Variants in DQX1 observed in about 807,000 individuals in gnomAD.
DQX1 encodes the protein ATP-dependent RNA helicase homolog DQX1.
Under a neutral mutation model 81.3 loss-of-function variants are expected in DQX1, and 66 were observed. That is an observed-to-expected ratio of 0.81 (90% CI 0.67 to 1.00). The LOEUF is 1.00. DQX1 is among the 50% of genes least tolerant of loss of function. DQX1 has a pLI of 0.00. For missense variants in DQX1, 798 were observed against 867.9 expected (o/e 0.92, Z 1.01); for synonymous variants, 290 against 350.0 (o/e 0.83, Z 1.91).
rs377637677 is a variant in DQX1 at position 74,521,253 on chromosome 2, T to G, written c.1496-1219A>C. Among the ~76,000 whole-genome samples, 7 of 152,302 alleles carry G rather than the reference T, an allele frequency of 4.6e-5. No homozygotes were observed. In the South Asian group the frequency reaches 1.5e-3, roughly 32 times the overall value. ...ATAGTATTATCTGAATCTAAGACTC[T>G]AGAGAGAGGAAAAGATTTTGTGGTG... On this transcript the variant is annotated intron_variant, in intron 8 of 11. Coordinates refer to ENST00000404568, the MANE Select transcript of DQX1 (RefSeq NM_133637.3).
intron 8 of DQX1, among the ~76,000 whole-genome samples, chr2:74,521,745 C>T (rs542455835): frequency 1.5e-5 from 2 of 133,878 alleles, no homozygotes; most frequent in African/African-American, 3.8e-5. Context: ...CTCTCTCCCC[C>T]TCTCCCCCTC....
intron 4 of DQX1, 28 bp downstream of exon 4, chr2:74,523,895 G>T (rs765798159): frequency 2.6e-6 from 4 of 1,514,792 alleles, no homozygotes; most frequent in Non-Finnish European, 3.5e-6. Flanking sequence ...TTTGCAGGCT[G>T]TTTTTTTTGT....
chr2:74,522,460 G>T, intron 8 of DQX1, 120 bp downstream of exon 8: 1 of 1,212,920 alleles, frequency 8.2e-7, no homozygotes, highest in Non-Finnish European at 1.2e-6. Context: ...TGGTTCTTTA[G>T]GCATTGTGAG....
chr2:74,520,121 G>A, intron 8 of DQX1, 87 bp from the exon 9 acceptor site: 1 of 1,524,310 alleles, frequency 6.6e-7, no homozygotes, highest in Non-Finnish European at 8.9e-7. Context: ...AAAGGCAGAA[G>A]TGTCCCTTTG....
Position 74,523,547 on chromosome 2 carries a change from A to G in DQX1, c.817-10T>C. 7.2e-7 allele frequency: 1 copy of G among 1,383,408 alleles called. No homozygotes were observed. The highest frequency in any genetic ancestry group is 1.0e-6 in the Non-Finnish European group (1 of 994,074). The allele number at this position is 1,383,408 out of a possible 1,614,324, so 85.7% of individuals were successfully genotyped here. A position where few individuals can be genotyped will look rare whatever the true frequency, so the allele number is the denominator to read the frequency against. ...AGCACAGGGAAATTTCCTGAGAAGA[A>G]GGGTGGGTGGGGCATTAGGGCAGTT... is the stretch of plus-strand genomic sequence containing the variant. On this transcript the variant is annotated splice_polypyrimidine_tract_variant and intron_variant, in intron 4 of 11. Transcript: ENST00000404568.
intron 8 of DQX1, among the ~76,000 whole-genome samples, chr2:74,521,929 T>C (rs561402424): frequency 2.8e-4 from 43 of 152,270 alleles, no homozygotes; most frequent in Non-Finnish European, 4.6e-4. Flanking sequence ...ACCATGGGTG[T>C]GGATAAACTT....
In DQX1 at chr2:74,524,006, C is replaced by G. The variant is rs2104341420; in HGVS notation, c.733G>C (p.Val245Leu). 1 of 1,614,188 alleles carries G rather than the reference C, an allele frequency of 6.2e-7. No individual in the cohort carries two copies. Among genetic ancestry groups the G allele is most frequent in the East Asian group, 2.2e-5 (1 of 44,888 alleles). ...AGCACTGCTTGGCAGGCAGCTTCCA[C>G]CCGATCAGGTGGGATGGTGTCCCAG... is the stretch of plus-strand genomic sequence containing the variant. The part of the protein sequence containing the change: ...IYWDTIPPDR[V>L]EAACQAVLEL... Residue 245 changes from valine to leucine, a missense_variant, in exon 4 of 12, where the codon GTG becomes CTG. By Grantham distance (32) the Val-to-Leu change is conservative (BLOSUM62 1). Coordinates refer to ENST00000404568, the MANE Select transcript of DQX1 (RefSeq NM_133637.3).
Position 74,519,949 on chromosome 2 carries a change from A to G in DQX1, c.1581T>C (p.Ser527=), listed in dbSNP as rs1209550426. ...RALEHTDGDH[S]SLIQVYEAFI... is the part of the protein sequence containing the mutation. Reference sequence around the variant, plus strand: ...AGGCTTCATACACCTGGATCAGAGAACTGTGGTCACCATCCGTGTGTTCCA... The same window carrying G: ...AGGCTTCATACACCTGGATCAGAGAGCTGTGGTCACCATCCGTGTGTTCCA... Residue 527 remains serine, a synonymous_variant, in exon 9 of 12, where the codon AGT becomes AGC. Coordinates refer to ENST00000404568, the MANE Select transcript of DQX1 (RefSeq NM_133637.3). The G allele has an allele frequency of 3.1e-6, 5 of 1,614,106 alleles. No individual in the cohort carries two copies. The African/African-American group carries it at 5.3e-5, about 17-fold the overall frequency.
Position 74,525,046 on chromosome 2 carries a change from G to T in DQX1, c.394C>A (p.Pro132Thr). The change falls in exon 3 of 12, where the codon CCC (proline) becomes ACC (threonine). Residue 132 changes from proline to threonine, a missense_variant. Transcript: ENST00000404568. The surrounding 1 kb of genome is among the most constrained non-coding windows in gnomAD (Gnocchi z 4.1). ...TLGHEVGYSI[P>T]QEDCTGPNTL... ...TTGGGCCCCGTGCAGTCCTCCTGGG[G>T]GATGCTGTATCCAACCTCATGACCC... 2 of 1,614,144 alleles carry T rather than the reference G, an allele frequency of 1.2e-6. No individual in the cohort carries two copies. The highest frequency in any genetic ancestry group is 1.7e-6 in the Non-Finnish European group (2 of 1,180,022).
At chr2:74,518,727 G>C in intron 11 of DQX1, 125 bp from the exon 12 acceptor site, 1 of 919,626 alleles carries the variant, frequency 1.1e-6, no homozygotes, top group Non-Finnish European at 1.6e-6. Flanking sequence ...ACTCACTGTA[G>C]CCTTAGACTC....
At chr2:74,520,460 C>T (rs1272277277) in intron 8 of DQX1, among the ~76,000 whole-genome samples, 1 of 152,112 alleles carries the variant, frequency 6.6e-6, no homozygotes, top group Non-Finnish European at 1.5e-5. Context: ...ACTGTGGCAA[C>T]AGCATGGCAC....
Position 74,523,023 on chromosome 2 carries a change from A to G in DQX1, c.1145-9T>C, listed in dbSNP as rs1025676516. 5 of 1,613,890 alleles carry G rather than the reference A, an allele frequency of 3.1e-6. No homozygotes were observed. The highest frequency in any genetic ancestry group is 4.2e-6 in the Non-Finnish European group (5 of 1,179,800). On this transcript the variant is annotated splice_polypyrimidine_tract_variant and intron_variant, in intron 6 of 11. Coordinates refer to ENST00000404568, the MANE Select transcript of DQX1 (RefSeq NM_133637.3). Reference sequence around the variant, plus strand: ...CAGGCAGAGGCAGGATCCTGAGGGGAAAAAGACCTGGGAAAGAAGACCACT... The same window carrying G: ...CAGGCAGAGGCAGGATCCTGAGGGGGAAAAGACCTGGGAAAGAAGACCACT...
chr2:74,522,886 G>A lies in DQX1; in HGVS notation c.1273C>T (p.Pro425Ser). The change falls in exon 7 of 12, where the codon CCA (proline) becomes TCA (serine). Residue 425 changes from proline (P) to serine (S), a missense_variant. Coordinates refer to ENST00000404568, the MANE Select transcript of DQX1 (RefSeq NM_133637.3). The part of the protein sequence containing the change: ...LLLKRRQIAE[P>S]GECHFLDQPA... ...TGGTCCAGGAAGTGACACTCCCCTGGCTCTGCAATCTGTCTCCTTTTTAGT... is the reference window on the plus strand; with the variant it reads ...TGGTCCAGGAAGTGACACTCCCCTGACTCTGCAATCTGTCTCCTTTTTAGT... 6.2e-7 allele frequency: 1 copy of A among 1,614,136 alleles called. No homozygotes were observed. The highest frequency in any genetic ancestry group is 8.5e-7 in the Non-Finnish European group (1 of 1,179,986).
intron 11 of DQX1, 113 bp downstream of exon 11, chr2:74,518,927 T>A (rs1674955082): frequency 1.8e-6 from 2 of 1,132,942 alleles, no homozygotes. Flanking sequence ...TCTCCTCAGA[T>A]CATGTTTTTA....
rs1675089822 is a variant in DQX1 at position 74,523,412 on chromosome 2, G to T, written c.942C>A (p.Asp314Glu). 1 of 1,614,192 alleles carries T rather than the reference G, an allele frequency of 6.2e-7. No individual in the cohort carries two copies. The highest frequency in any genetic ancestry group is 1.3e-5 in the African/African-American group (1 of 75,054). ...CGRAVQAVYE[D>E]MDARKVVVTH... ...TGACCACAACCTTTCGGGCATCCAT[G>T]TCCTCATACACAGCCTGAACGGCTC... Residue 314 changes from aspartate (D) to glutamate (E), a missense_variant, in exon 5 of 12, where the codon GAC (aspartate) becomes GAA (glutamate). Asp to Glu is a conservative substitution (Grantham distance 45, BLOSUM62 2). Transcript: ENST00000404568.
At position 74,520,009 on chromosome 2, in the gene DQX1, T is replaced by G; in HGVS notation, c.1521A>C (p.Pro507=). The G allele has an allele frequency of 1.2e-6, 2 of 1,613,688 alleles. No homozygotes were observed. The highest frequency in any genetic ancestry group is 1.7e-6 in the Non-Finnish European group (2 of 1,179,736). Residue 507 remains proline, a synonymous_variant, in exon 9 of 12, where the codon CCA becomes CCC. Coordinates refer to ENST00000404568, the MANE Select transcript of DQX1 (RefSeq NM_133637.3). ...LTAAPGFTRP[P]LSAEEAALRR... ...GCAGGGCAGCTTCTTCTGCACTGAG[T>G]GGAGGACGGGTAAACCCAGGGGCAG...
Position 74,518,592 on chromosome 2 carries a change from A to G in DQX1, c.2008T>C (p.Leu670=), listed in dbSNP as rs1387738093. ...SEIQPQMLVE[L]APPYFLSNLP... ...TTACTCAGGAAGTATGGAGGGGCCA[A>G]TTCCACCAGCCTAATAGAGAGAGTC... is the stretch of plus-strand genomic sequence containing the variant. The change falls in exon 12 of 12, where the codon TTG becomes CTG. Residue 670 remains leucine, a synonymous_variant. Transcript: ENST00000404568. 4.3e-6 allele frequency: 7 copies of G among 1,614,100 alleles called. No homozygotes were observed. The highest frequency in any genetic ancestry group is 2.2e-5 in the South Asian group (2 of 91,068).
Position 74,524,448 on chromosome 2 carries a change from C to T in DQX1, c.432-141G>A, listed in dbSNP as rs145382284. On this transcript the variant is annotated intron_variant, in intron 3 of 11. Transcript: ENST00000404568. ...GCTGTGACTTCCTGAGCCTATGGAC[C>T]CATAACTGTCACCCCACAACCCCGC... The T allele has an allele frequency of 9.8e-4, 1,171 of 1,194,102 alleles. 7 individuals are homozygous for T. The African/African-American group carries it at 0.016, about 17-fold the overall frequency. 74.0% of individuals were successfully genotyped at this position (1,194,102 alleles called of 1,614,324 possible).
chr2:74,524,195 G>C lies in DQX1; in HGVS notation c.544C>G (p.Leu182Val). 1 of 1,614,158 alleles carries C rather than the reference G, an allele frequency of 6.2e-7. No individual in the cohort carries two copies. The highest frequency in any genetic ancestry group is 8.5e-7 in the Non-Finnish European group (1 of 1,180,038). ...AQERSVASDS[L>V]QGLLQDARLE... is the part of the protein sequence containing the mutation. ...CTGGCATCTTGCAGTAGCCCCTGGA[G>C]TGAATCTGATGCCACCGACCGCTCC... Residue 182 changes from leucine (L) to valine (V), a missense_variant, in exon 4 of 12, where the codon CTC becomes GTC. By Grantham distance (32) the Leu-to-Val change is conservative (BLOSUM62 1). Coordinates refer to ENST00000404568, the MANE Select transcript of DQX1 (RefSeq NM_133637.3).
Sources: allele counts gnomAD v4.1 joint callset (sites outside exome capture counted in the v4.1 genomes callset), GRCh38; gene constraint gnomAD v4.1.1; non-coding constraint Gnocchi (gnomAD v3.1); transcripts MANE v1.5; gene names NCBI Gene and HGNC (gene_info 2026-07-23, HGNC 2026-07-21).